Variants in MSRA observed in about 807,000 individuals in gnomAD.
MSRA encodes the protein methionine sulfoxide reductase A.
Under a neutral mutation model 31.3 loss-of-function variants are expected in MSRA, and 54 were observed. The ratio of observed to expected loss-of-function variants is 1.73; its 90% confidence interval spans 1.39 to 2.17. MSRA has a LOEUF of 2.17. Ranked by LOEUF, MSRA falls within the 30% of genes most tolerant of loss-of-function variation. The pLI, the probability that MSRA is intolerant of heterozygous loss-of-function variation, is 0.00. For synonymous variants in MSRA, 169 were observed against 116.5 expected (o/e 1.45, Z -2.90); for missense variants, 507 against 300.9 (o/e 1.69, Z -5.07).
At chr8:10,305,308 G>C (rs1353525989) in intron 4 of MSRA, among the ~76,000 whole-genome samples, 1 of 152,030 alleles carries the variant, frequency 6.6e-6, no homozygotes, top group East Asian at 1.9e-4. Flanking sequence ...AGGCTAAACA[G>C]AGAACATTCA....
intron 5 of MSRA, among the ~76,000 whole-genome samples, chr8:10,415,542 C>T (rs868045948): frequency 3.3e-5 from 5 of 152,160 alleles, no homozygotes; most frequent in Middle Eastern, 3.4e-3. Context: ...GAGACGAGTA[C>T]GCAGAAATAG....
chr8:10,386,565 C>G (rs543452765), intron 5 of MSRA, among the ~76,000 whole-genome samples: 1 of 152,166 alleles, frequency 6.6e-6, no homozygotes, highest in African/African-American at 2.4e-5. Context: ...TCTCAAACTT[C>G]AGCATGAGTT....
chr8:10,360,460 G>C (rs974370256), intron 5 of MSRA, among the ~76,000 whole-genome samples: 3 of 152,132 alleles, frequency 2.0e-5, no homozygotes, highest in African/African-American at 7.2e-5. Context: ...TATGCATTTA[G>C]TGCATCTGTG....
At chr8:10,101,754 T>A (rs1367399729) in intron 1 of MSRA, among the ~76,000 whole-genome samples, 1 of 152,218 alleles carries the variant, frequency 6.6e-6, no homozygotes, top group African/African-American at 2.4e-5. Context: ...CTCTATTGTA[T>A]GGACAGACCA....
chr8:10,207,714 A>C (rs1195052240), intron 1 of MSRA, 119 bp from the exon 2 acceptor site: 1 of 839,134 alleles, frequency 1.2e-6, no homozygotes, highest in African/African-American at 1.7e-5. Context: ...TTCAGAGGGT[A>C]AGCTTGGGTG....
chr8:10,211,188 A>T (rs1378920109), intron 2 of MSRA, among the ~76,000 whole-genome samples: 1 of 152,194 alleles, frequency 6.6e-6, no homozygotes, highest in Non-Finnish European at 1.5e-5. Flanking sequence ...GGAAAGACAG[A>T]TAGAGTGTGG....
At chr8:10,149,973 C>A in intron 1 of MSRA, among the ~76,000 whole-genome samples, 1 of 132,546 alleles carries the variant, frequency 7.5e-6, no homozygotes, top group Non-Finnish European at 1.6e-5. Flanking sequence ...CTGTTTTTTC[C>A]TCCTGAATTT....
intron 1 of MSRA, among the ~76,000 whole-genome samples, chr8:10,157,530 G>T (rs1804259423): frequency 6.6e-6 from 1 of 152,124 alleles, no homozygotes; most frequent in Non-Finnish European, 1.5e-5. Context: ...AGTGGGAGGT[G>T]GCTGGAGTAG....
At chr8:10,341,558 A>C (rs1319031875) in intron 5 of MSRA, among the ~76,000 whole-genome samples, 1 of 151,996 alleles carries the variant, frequency 6.6e-6, no homozygotes, top group Non-Finnish European at 1.5e-5. Context: ...AACCATATCA[A>C]CTCTCTAAGT....
In MSRA at chr8:10,234,388, G is replaced by C. The variant is rs556590164; in HGVS notation, c.212-10716G>C. Among the ~76,000 whole-genome samples the C allele has an allele frequency of 2.6e-5, 4 of 152,270 alleles. No individual in the cohort carries two copies. In the South Asian group the frequency reaches 8.3e-4, roughly 32 times the overall value. On this transcript the variant is annotated intron_variant, in intron 2 of 5. Transcript: ENST00000317173. ...GAGAAGGTTAGAAATACTAACTTTA[G>C]ACTTGGTTTGGAAAACATAGTGAAG...
At position 10,190,514 on chromosome 8, in the gene MSRA, G is replaced by A. The variant is rs543464438; in HGVS notation, c.143-17319G>A. Among the ~76,000 whole-genome samples the A allele has an allele frequency of 4.6e-5, 7 of 152,352 alleles. No homozygotes were observed. The South Asian group carries it at 1.2e-3, about 27-fold the overall frequency. On this transcript the variant is annotated intron_variant, in intron 1 of 5. Transcript: ENST00000317173. ...TCCAGATCAGCTCTGGCCTGGCCAAGCCCGCAAACTTCTCAGCCGTCTGGT... is the reference window on the plus strand; with the variant it reads ...TCCAGATCAGCTCTGGCCTGGCCAAACCCGCAAACTTCTCAGCCGTCTGGT...
intron 5 of MSRA, among the ~76,000 whole-genome samples, chr8:10,395,876 C>T (rs1807065799): frequency 6.6e-6 from 1 of 152,146 alleles, no homozygotes; most frequent in African/African-American, 2.4e-5. Context: ...GCACACATCC[C>T]CCTTCTGTAC....
In MSRA at chr8:10,054,304, A is replaced by G. The variant is rs1385167123; in HGVS notation, c.-213A>G. 1 of 370,704 alleles carries G rather than the reference A, an allele frequency of 2.7e-6. No individual in the cohort carries two copies. Among genetic ancestry groups the G allele is most frequent in the Non-Finnish European group, 4.7e-6 (1 of 214,960 alleles). 23.0% of individuals were successfully genotyped at this position (370,704 alleles called of 1,614,324 possible). ...GGCCACACCCCCTGTCCAGGGAAGG[A>G]ACACGCCCCCGGTGACAGCCGGTAC... On this transcript the variant is annotated 5_prime_UTR_variant, in exon 1 of 6. Transcript: ENST00000317173.
intron 1 of MSRA, among the ~76,000 whole-genome samples, chr8:10,095,265 A>G (rs1231093970): frequency 6.6e-6 from 1 of 152,200 alleles, no homozygotes; most frequent in Non-Finnish European, 1.5e-5. Context: ...TTTCTAGGGA[A>G]CAGATTCCTT....
intron 1 of MSRA, among the ~76,000 whole-genome samples, chr8:10,084,661 C>A (rs1486284077): frequency 6.6e-6 from 1 of 152,122 alleles, no homozygotes; most frequent in Non-Finnish European, 1.5e-5. Context: ...GTTGATGATA[C>A]CCTGATGAGA....
At chr8:10,101,905 A>G (rs766666785) in intron 1 of MSRA, among the ~76,000 whole-genome samples, 2 of 152,254 alleles carry the variant, frequency 1.3e-5, no homozygotes, top group Middle Eastern at 3.4e-3. Flanking sequence ...TATATCCCCA[A>G]AAGTGGAATT....
intron 5 of MSRA, among the ~76,000 whole-genome samples, chr8:10,346,434 A>C (rs1803781189): frequency 6.6e-6 from 1 of 152,158 alleles, no homozygotes; most frequent in Non-Finnish European, 1.5e-5. Flanking sequence ...CCCATCCTGC[A>C]TCCACTGCAC....
At chr8:10,079,438 A>C (rs1417978535) in intron 1 of MSRA, among the ~76,000 whole-genome samples, 1 of 152,150 alleles carries the variant, frequency 6.6e-6, no homozygotes, top group Non-Finnish European at 1.5e-5. Context: ...TACAGGTGTG[A>C]GCCACCACAC....
chr8:10,291,169 CT>C (rs1233346599), intron 3 of MSRA, among the ~76,000 whole-genome samples: 1 of 152,186 alleles, frequency 6.6e-6, no homozygotes, highest in Non-Finnish European at 1.5e-5. Flanking sequence ...TTCTTGAAGA[CT>C]TTTCTTGATC....
Sources: allele counts gnomAD v4.1 joint callset (sites outside exome capture counted in the v4.1 genomes callset), GRCh38; gene constraint gnomAD v4.1.1; transcripts MANE v1.5; gene names NCBI Gene and HGNC (gene_info 2026-07-23, HGNC 2026-07-21).